TRA2A: variants seen among roughly 807,000 people sequenced by gnomAD.
The protein encoded by TRA2A is transformer 2 alpha homolog.
A neutral mutation model predicts 45.7 loss-of-function variants in TRA2A; 31 were observed. The ratio of observed to expected loss-of-function variants is 0.68; its 90% CI spans 0.51 to 0.92. TRA2A has a LOEUF of 0.92. Ranked by LOEUF, TRA2A falls within the 40% of genes least tolerant of loss-of-function variation. The pLI is 0.00. For synonymous variants in TRA2A, 132 were observed against 126.2 expected, an observed-to-expected ratio of 1.05 and a Z score of -0.31; for missense variants, 304 against 367.5, an observed-to-expected ratio of 0.83 and a Z score of 1.41.
At chr7:23,510,144 TACA>T (rs1182789737) in intron 4 of TRA2A, among the ~76,000 whole-genome samples, 2 of 152,116 alleles carry the variant, frequency 1.3e-5, no homozygotes, top group East Asian at 1.9e-4. Context: ...GAAGAAACCA[TACA>T]ACATGCCTGT....
chr7:23,507,274 T>A (rs570561697), intron 5 of TRA2A, 146 bp downstream of exon 5: 1 of 505,608 alleles, frequency 2.0e-6, no homozygotes, highest in Admixed American at 3.4e-5. Context: ...TGATTTTTTA[T>A]TTTTTTTTAG....
chr7:23,531,741 C>T (rs1414953865), intron 1 of TRA2A, 48 bp downstream of exon 1: 2 of 1,609,590 alleles, frequency 1.2e-6, no homozygotes, highest in South Asian at 2.2e-5. Context: ...CCGTGAAACC[C>T]CGAGCATTGG....
At chr7:23,518,953 GC>G (rs1790011456) in intron 2 of TRA2A, among the ~76,000 whole-genome samples, 1 of 151,924 alleles carries the variant, frequency 6.6e-6, no homozygotes, top group Admixed American at 6.6e-5. Flanking sequence ...CTCCCAAAGT[GC>G]TGGGGTTATA....
At chr7:23,520,699 T>C (rs1456545460) in intron 2 of TRA2A, among the ~76,000 whole-genome samples, 1 of 151,368 alleles carries the variant, frequency 6.6e-6, no homozygotes, top group African/African-American at 2.4e-5. Context: ...TTTTTTTTTT[T>C]TTTTTTTTAA....
intron 1 of TRA2A, 119 bp downstream of exon 1, chr7:23,531,670 G>T: frequency 1.9e-6 from 2 of 1,073,876 alleles, no homozygotes; most frequent in Non-Finnish European, 2.8e-6. Flanking sequence ...AATCAATCGC[G>T]ATGGCTCCAG....
chr7:23,530,105 G>GT (rs754403111), intron 1 of TRA2A, among the ~76,000 whole-genome samples: 21 of 152,144 alleles, frequency 1.4e-4, no homozygotes, highest in Admixed American at 3.3e-4. Context: ...TTGAAGGAAT[G>GT]TATGAATGGA....
At chr7:23,512,482 G>A (rs868346835) in intron 4 of TRA2A, among the ~76,000 whole-genome samples, 10 of 151,464 alleles carry the variant, frequency 6.6e-5, no homozygotes, top group African/African-American at 1.7e-4. Context: ...TTTTTGAGAC[G>A]GAGTCTCACT....
At chr7:23,518,897 G>C (rs1365934545) in intron 2 of TRA2A, among the ~76,000 whole-genome samples, 2 of 152,028 alleles carry the variant, frequency 1.3e-5, no homozygotes, top group African/African-American at 4.8e-5. Context: ...ATGTTGGCCA[G>C]GATGGTCTAG....
chr7:23,529,410 G>A (rs62468822), intron 1 of TRA2A, among the ~76,000 whole-genome samples: 16,765 of 152,100 alleles, frequency 0.11, 991 homozygotes, highest in Middle Eastern at 0.15. Flanking sequence ...ACAGGCGCAC[G>A]CCACCACGCC....
intron 2 of TRA2A, 91 bp downstream of exon 2, chr7:23,521,616 C>A (rs751961210): frequency 6.9e-7 from 1 of 1,439,256 alleles, no homozygotes. Context: ...TTGAGTCTTT[C>A]GTGAAATTTC....
intron 1 of TRA2A, among the ~76,000 whole-genome samples, chr7:23,526,253 AAAAT>A (rs755344413): frequency 1.3e-4 from 20 of 152,350 alleles, no homozygotes; most frequent in Non-Finnish European, 2.8e-4. Flanking sequence ...GCTATCCATT[AAAAT>A]AAATAAACTA....
chr7:23,529,443 A>G (rs991944088), intron 1 of TRA2A, among the ~76,000 whole-genome samples: 3 of 152,074 alleles, frequency 2.0e-5, no homozygotes, highest in Non-Finnish European at 4.4e-5. Context: ...TATTTTTAGT[A>G]GAGACAGGGT....
chr7:23,513,491 G>A (rs1789719722), intron 3 of TRA2A, among the ~76,000 whole-genome samples: 2 of 152,014 alleles, frequency 1.3e-5, no homozygotes, highest in Admixed American at 1.3e-4. Flanking sequence ...GGTGGCCGGC[G>A]CCTGTAATCC....
chr7:23,517,697 A>C (rs1328820702), intron 2 of TRA2A, among the ~76,000 whole-genome samples: 1 of 150,928 alleles, frequency 6.6e-6, no homozygotes, highest in Non-Finnish European at 1.5e-5. Context: ...GCAGATTACG[A>C]GGTCAAGAGA....
chr7:23,528,239 C>T (rs982922376), intron 1 of TRA2A, among the ~76,000 whole-genome samples: 30 of 152,224 alleles, frequency 2.0e-4, no homozygotes, highest in African/African-American at 7.2e-4. Flanking sequence ...TGAGACGAGT[C>T]TCGCTCTATT....
In TRA2A at chr7:23,507,446, T is replaced by C. The variant is rs1202187811; in HGVS notation, c.615A>G (p.Pro205=). 1.2e-6 allele frequency: 2 copies of C among 1,614,114 alleles called. No individual in the cohort carries two copies. Among genetic ancestry groups the C allele is most frequent in the Admixed American group, 3.3e-5 (2 of 60,004 alleles). ...GAGTTGGTCTGCCCATGTAGATGCC[T>C]GGTGTTGGTGTGTGCGCTCTCTTGG... ...SITKRAHTPT[P]GIYMGRPTHS... is the part of the protein sequence containing the mutation. Residue 205 remains proline (P), a synonymous_variant, in exon 5 of 8, where the codon CCA becomes CCG. Coordinates refer to ENST00000297071, the MANE Select transcript of TRA2A (RefSeq NM_013293.5).
intron 1 of TRA2A, among the ~76,000 whole-genome samples, chr7:23,526,908 C>G (rs1790363007): frequency 6.6e-6 from 1 of 152,122 alleles, no homozygotes; most frequent in Admixed American, 6.5e-5. Context: ...GATTTAGTAA[C>G]TGACACCCAC....
At chr7:23,516,002 C>T (rs1399710493) in intron 3 of TRA2A, among the ~76,000 whole-genome samples, 1 of 151,878 alleles carries the variant, frequency 6.6e-6, no homozygotes, top group African/African-American at 2.4e-5. Context: ...TGGTGAAACC[C>T]CATTTCTAAA....
intron 3 of TRA2A, among the ~76,000 whole-genome samples, chr7:23,513,998 C>T (rs1359329534): frequency 6.6e-6 from 1 of 151,556 alleles, no homozygotes; most frequent in Admixed American, 6.6e-5. Context: ...CATGTTAGGG[C>T]AAATACTTAG....
Sources: allele counts gnomAD v4.1 joint callset (sites outside exome capture counted in the v4.1 genomes callset), GRCh38; gene constraint gnomAD v4.1.1; transcripts MANE v1.5; gene names NCBI Gene and HGNC (gene_info 2026-07-23, HGNC 2026-07-21).